The following DLGAP2 variants were observed in gnomAD, a reference collection of about 807,000 sequenced individuals.
DLGAP2 encodes the protein DLG associated protein 2, also known as disks large-associated protein 2.
DLGAP2 carries 26 observed loss-of-function variants against 100.3 expected under a neutral mutation model. The ratio of observed to expected loss-of-function variants is 0.26; its 90% confidence interval spans 0.19 to 0.36. DLGAP2 has a LOEUF of 0.36. Among genes scored for constraint, DLGAP2 ranks in the 10% least tolerant of loss-of-function variants. The pLI is 1.00. For missense variants in DLGAP2, 1,858 were observed against 1,453.2 expected (o/e 1.28, Z -4.53); for synonymous variants, 886 against 630.1 (o/e 1.41, Z -6.08).
At chr8:1,465,542 G>C (rs913297448) in intron 3 of DLGAP2, among the ~76,000 whole-genome samples, 1 of 152,190 alleles carries the variant, frequency 6.6e-6, no homozygotes, top group African/African-American at 2.4e-5. Flanking sequence ...AGATGAGCAA[G>C]GGAAGGGGCA....
chr8:1,004,996 T>A (rs1204913981), intron 2 of DLGAP2, among the ~76,000 whole-genome samples: 1 of 151,986 alleles, frequency 6.6e-6, no homozygotes, highest in African/African-American at 2.4e-5. Flanking sequence ...TTTGGCTGGG[T>A]CTTGTGTAGT....
At chr8:1,488,319 C>T (rs538940945) in intron 3 of DLGAP2, among the ~76,000 whole-genome samples, 1 of 152,270 alleles carries the variant, frequency 6.6e-6, no homozygotes, top group East Asian at 1.9e-4. Context: ...GGTGGCTCTT[C>T]CATGGAGGCC....
intron 3 of DLGAP2, among the ~76,000 whole-genome samples, chr8:1,272,632 T>A (rs910599940): frequency 6.6e-6 from 1 of 152,170 alleles, no homozygotes; most frequent in African/African-American, 2.4e-5. Flanking sequence ...AAGGGAATAA[T>A]CAAGTGTGAA....
Position 1,705,641 on chromosome 8 carries a change from C to G in DLGAP2, c.*4235C>G, listed in dbSNP as rs948845689. On this transcript the variant is annotated 3_prime_UTR_variant, in exon 15 of 15. Transcript: ENST00000637795. Reference sequence around the variant, plus strand: ...AGCACAGAAACACGCTTCTCCAACACGGGCCGAAATAACTAAACTCCACAT... The same window carrying G: ...AGCACAGAAACACGCTTCTCCAACAGGGGCCGAAATAACTAAACTCCACAT... 2 of 152,274 alleles carry G rather than the reference C, an allele frequency of 1.3e-5. No individual in the cohort carries two copies. The highest frequency in any genetic ancestry group is 4.8e-5 in the African/African-American group (2 of 41,458). 9.4% of individuals were successfully genotyped at this position (152,274 alleles called of 1,614,324 possible). A position where few individuals can be genotyped will look rare whatever the true frequency, so the allele number is the denominator to read the frequency against.
intron 2 of DLGAP2, among the ~76,000 whole-genome samples, chr8:1,214,333 G>A (rs940024338): frequency 3.9e-5 from 6 of 152,350 alleles, no homozygotes; most frequent in South Asian, 2.1e-4. Flanking sequence ...TCAGGTGATC[G>A]TTTTTCCGTG....
chr8:1,261,802 C>T (rs1280068386), intron 3 of DLGAP2, among the ~76,000 whole-genome samples: 3 of 152,240 alleles, frequency 2.0e-5, no homozygotes, highest in Non-Finnish European at 4.4e-5. Flanking sequence ...TGAGAGCTGG[C>T]TGGGCGCAGA....
At chr8:869,947 G>A (rs998152134) in intron 1 of DLGAP2, among the ~76,000 whole-genome samples, 1 of 151,332 alleles carries the variant, frequency 6.6e-6, no homozygotes, top group African/African-American at 2.4e-5. Context: ...GTTATTGGTG[G>A]TTTCTTCAGG....
At chr8:899,421 C>T (rs561087467) in intron 1 of DLGAP2, among the ~76,000 whole-genome samples, 2 of 152,206 alleles carry the variant, frequency 1.3e-5, no homozygotes, top group Non-Finnish European at 2.9e-5. Flanking sequence ...TTAGAGCTGG[C>T]AAGACCCAGG....
Position 1,571,964 on chromosome 8 carries a change from G to C in DLGAP2, c.1442+6070G>C, listed in dbSNP as rs375402008. Among the ~76,000 whole-genome samples, 142 of 135,440 alleles carry C rather than the reference G, an allele frequency of 1.0e-3. 2 individuals carry two copies. Among genetic ancestry groups the C allele is most frequent in the Admixed American group, 7.4e-3 (101 of 13,704 alleles). The allele number at this position is 135,440 out of a possible 152,430, so 88.9% of individuals were successfully genotyped here. On this transcript the variant is annotated intron_variant, in intron 6 of 14. Transcript: ENST00000637795. ...ATGGAGAGGAGAGAGGGTGAACTGT[G>C]GGGGCGTCTGATGAGATGGAGAGGA...
At chr8:1,624,857 C>CTCTCTCTGTCTG (rs1554511101) in intron 6 of DLGAP2, among the ~76,000 whole-genome samples, 38 of 79,446 alleles carry the variant, frequency 4.8e-4, no homozygotes, top group African/African-American at 3.6e-3. Context: ...CTCTCTCTCT[C>CTCTCTCTGTCTG]TCTCTCTCTC....
chr8:773,326 C>CTT (rs34973201), intron 1 of DLGAP2, among the ~76,000 whole-genome samples: 6 of 146,928 alleles, frequency 4.1e-5, no homozygotes, highest in South Asian at 4.3e-4. Flanking sequence ...TTAATCACTT[C>CTT]TTTTTTTTTT....
chr8:1,347,605 C>G (rs1476649289), intron 3 of DLGAP2, among the ~76,000 whole-genome samples: 2 of 150,724 alleles, frequency 1.3e-5, no homozygotes, highest in East Asian at 3.9e-4. Context: ...GTTGAGTTCC[C>G]ATACAGAGCT....
intron 2 of DLGAP2, among the ~76,000 whole-genome samples, chr8:1,111,299 C>G (rs1052732876): frequency 6.6e-6 from 1 of 152,176 alleles, no homozygotes; most frequent in East Asian, 1.9e-4. Context: ...AGACCCAGCA[C>G]TGTGTGTGCT....
At chr8:1,140,327 C>G (rs62487480) in intron 2 of DLGAP2, among the ~76,000 whole-genome samples, 14,589 of 152,066 alleles carry the variant, frequency 0.096, 845 homozygotes, top group East Asian at 0.25. Context: ...CCTCTGGCCT[C>G]CCTTCCATCT....
At chr8:1,457,577 C>G (rs1032012973) in intron 3 of DLGAP2, among the ~76,000 whole-genome samples, 1 of 152,166 alleles carries the variant, frequency 6.6e-6, no homozygotes, top group Non-Finnish European at 1.5e-5. Flanking sequence ...GATGGTTCTT[C>G]GCAAACCAGC....
chr8:1,025,329 C>G (rs1801766601), intron 2 of DLGAP2, among the ~76,000 whole-genome samples: 1 of 152,162 alleles, frequency 6.6e-6, no homozygotes, highest in Non-Finnish European at 1.5e-5. Context: ...AGATTGTTTT[C>G]AAGGCTGTTC....
intron 6 of DLGAP2, among the ~76,000 whole-genome samples, chr8:1,594,473 A>C (rs1315174334): frequency 6.6e-6 from 1 of 152,176 alleles, no homozygotes; most frequent in Non-Finnish European, 1.5e-5. Context: ...AAGATTCAAC[A>C]ACAGACCAGA....
intron 3 of DLGAP2, among the ~76,000 whole-genome samples, chr8:1,495,175 TGTC>T (rs1165244645): frequency 3.9e-5 from 6 of 152,134 alleles, no homozygotes; most frequent in Non-Finnish European, 8.8e-5. Flanking sequence ...GGGTTCATCG[TGTC>T]GTCTTCCAGG....
chr8:851,777 G>A (rs950381518), intron 1 of DLGAP2, among the ~76,000 whole-genome samples: 1 of 152,122 alleles, frequency 6.6e-6, no homozygotes, highest in African/African-American at 2.4e-5. Flanking sequence ...CACGTGCCCC[G>A]CAGCCTGCTA....
Sources: allele counts gnomAD v4.1 joint callset (sites outside exome capture counted in the v4.1 genomes callset), GRCh38; gene constraint gnomAD v4.1.1; transcripts MANE v1.5; gene names NCBI Gene and HGNC (gene_info 2026-07-23, HGNC 2026-07-21).